The following ARSG variants were observed in gnomAD, a reference collection of about 807,000 sequenced individuals.
The protein encoded by ARSG is ASG.
A neutral mutation model predicts 50.5 loss-of-function variants in ARSG; 37 were observed. The ratio of observed to expected loss-of-function variants is 0.73; its 90% CI spans 0.56 to 0.96. The LOEUF (loss-of-function observed/expected upper bound fraction) is 0.96. Among genes scored for constraint, ARSG ranks in the 50% least tolerant of loss-of-function variants. The pLI, the probability that ARSG is intolerant of heterozygous loss-of-function variation, is 0.00. For synonymous variants in ARSG, 225 were observed against 254.6 expected, an observed-to-expected ratio of 0.88 and a Z score of 1.11; for missense variants, 629 against 675.3, an observed-to-expected ratio of 0.93 and a Z score of 0.76.
At chr17:68,291,941 C>T (rs1335940291) in intron 1 of ARSG, among the ~76,000 whole-genome samples, 8 of 151,934 alleles carry the variant, frequency 5.3e-5, no homozygotes, top group African/African-American at 1.5e-4. Context: ...GCGCCCGCCC[C>T]GGGCAGAACA....
intron 1 of ARSG, among the ~76,000 whole-genome samples, chr17:68,303,092 G>T (rs1418432958): frequency 6.6e-6 from 1 of 152,168 alleles, no homozygotes; most frequent in Non-Finnish European, 1.5e-5. Flanking sequence ...GGGGCTAGAT[G>T]CAATCAAATG....
chr17:68,292,202 G>A (rs1377537687), intron 1 of ARSG, among the ~76,000 whole-genome samples: 2 of 152,028 alleles, frequency 1.3e-5, no homozygotes, highest in Non-Finnish European at 2.9e-5. Context: ...TGAGCAGCCG[G>A]GCTGAGTCAG....
In ARSG at chr17:68,307,447, T is replaced by C. The variant is rs1030681745; in HGVS notation, c.-47T>C. On this transcript the variant is annotated 5_prime_UTR_variant, in exon 2 of 12. Coordinates refer to ENST00000621439, the MANE Select transcript of ARSG (RefSeq NM_001267727.2). ...AGGAAGCTCTCAGAAAAATCTCTAG[T>C]GGTGGCTGCCGTCGCTCCAGACAAT... The C allele has an allele frequency of 1.4e-6, 2 of 1,474,618 alleles. No individual in the cohort carries two copies. The highest frequency in any genetic ancestry group is 1.9e-6 in the Non-Finnish European group (2 of 1,063,110). The allele number at this position is 1,474,618 out of a possible 1,614,324, so 91.3% of individuals were successfully genotyped here. A position where few individuals can be genotyped will look rare whatever the true frequency, so the allele number is the denominator to read the frequency against.
intron 11 of ARSG, among the ~76,000 whole-genome samples, chr17:68,416,787 TACTAGAAGTATGTCC>T (rs764112349): frequency 9.3e-4 from 116 of 124,588 alleles, no homozygotes; most frequent in Non-Finnish European, 1.7e-3. Flanking sequence ...CATTTTGCAT[TACTAGAAGTATGTCC>T]AATGTTTCCT....
At chr17:68,430,292 GC>G in the ARSG span, 1 of 856,138 alleles carries the variant, frequency 1.2e-6, no homozygotes, top group Non-Finnish European at 1.8e-6. Context: ...ATAATGTTCT[GC>G]CCACTGAGAA....
intron 3 of ARSG, among the ~76,000 whole-genome samples, chr17:68,345,698 G>A (rs573696870): frequency 7.9e-5 from 12 of 152,218 alleles, no homozygotes; most frequent in Non-Finnish European, 1.6e-4. Context: ...CTAGCTGTGC[G>A]AATACCACTG....
At chr17:68,348,841 C>T (rs1269304644) in intron 4 of ARSG, among the ~76,000 whole-genome samples, 4 of 152,176 alleles carry the variant, frequency 2.6e-5, no homozygotes, top group South Asian at 4.1e-4. Flanking sequence ...TAAGCACCCA[C>T]GCTCCTCTTG....
At chr17:68,259,574 A>G (rs2075041488) in intron 1 of ARSG, 1 of 152,266 alleles carries the variant, frequency 6.6e-6, no homozygotes, top group South Asian at 2.1e-4. Flanking sequence ...TGATGTTTCT[A>G]GTAGTCGTAT....
chr17:68,405,525 A>C (rs936086060), intron 11 of ARSG, among the ~76,000 whole-genome samples: 2 of 152,204 alleles, frequency 1.3e-5, no homozygotes, highest in Non-Finnish European at 2.9e-5. Flanking sequence ...TTGTGTTCTG[A>C]ATTTCAATCC....
chr17:68,320,547 C>G (rs1016124752), intron 2 of ARSG, among the ~76,000 whole-genome samples: 2 of 152,164 alleles, frequency 1.3e-5, no homozygotes. Context: ...AGCCCTCACT[C>G]TCCGGGGGGT....
At chr17:68,390,080 C>T (rs199519521) in intron 9 of ARSG, among the ~76,000 whole-genome samples, 1 of 152,000 alleles carries the variant, frequency 6.6e-6, no homozygotes, top group Non-Finnish European at 1.5e-5. Context: ...CTCTGCTTCC[C>T]GGGTTCAAGT....
At chr17:68,286,886 T>C (rs1339858994), upstream of ARSG, among the ~76,000 whole-genome samples, 7 of 152,340 alleles carry the variant, frequency 4.6e-5, no homozygotes, top group South Asian at 1.2e-3. Context: ...TCGGAGAAAG[T>C]GTAAATGCTA....
At position 68,343,801 on chromosome 17, in the gene ARSG, G is replaced by A. The variant is rs375666027; in HGVS notation, c.406+10G>A. ...GTCACTGGGATAATAGGTAACTCTG[G>A]GCCCCGTCTGCCTGTTGCATTTACT... On this transcript the variant is annotated intron_variant, in intron 3 of 11. Transcript: ENST00000621439. 2 of 1,599,344 alleles carry A rather than the reference G, an allele frequency of 1.3e-6. No individual in the cohort carries two copies. The highest frequency in any genetic ancestry group is 1.3e-5 in the African/African-American group (1 of 74,662).
intron 1 of ARSG, among the ~76,000 whole-genome samples, chr17:68,275,921 T>G (rs2075501209): frequency 6.6e-6 from 1 of 150,410 alleles, no homozygotes; most frequent in Non-Finnish European, 1.5e-5. Flanking sequence ...AGGCGGAGGT[T>G]GCAGTGAGCT....
rs909206084 is a variant in ARSG at position 68,335,427 on chromosome 17, G to A, written c.219-8177G>A. On this transcript the variant is annotated intron_variant, in intron 2 of 11. Transcript: ENST00000621439. ...AAATTAGCCGGGCGTAGTGGCGGGC[G>A]CCTGTAGTCCCAGCTACTCGGGAGG... is the stretch of plus-strand genomic sequence containing the variant. Among the ~76,000 whole-genome samples the A allele has an allele frequency of 2.0e-5, 3 of 151,388 alleles. No homozygotes were observed. The East Asian group carries it at 5.8e-4, about 29-fold the overall frequency.
At chr17:68,366,245 T>A (rs199982735) in intron 6 of ARSG, among the ~76,000 whole-genome samples, 4,579 of 43,078 alleles carry the variant, frequency 0.11, 99 homozygotes, top group South Asian at 0.19. Flanking sequence ...GGCAAAAAAA[T>A]AAAATAAAAT....
intron 2 of ARSG, among the ~76,000 whole-genome samples, chr17:68,331,463 C>G (rs2077766323): frequency 1.3e-5 from 2 of 152,102 alleles, no homozygotes; most frequent in Non-Finnish European, 2.9e-5. Context: ...CCAGGATGGT[C>G]TTGATCTCCT....
chr17:68,425,974 G>A (rs1462181045), downstream of ARSG: 12 of 882,108 alleles, frequency 1.4e-5, no homozygotes, highest in East Asian at 2.2e-4. Context: ...AGTTGTTATA[G>A]ATTAGAAAAC....
At chr17:68,385,930 C>T (rs895917059) in intron 9 of ARSG, among the ~76,000 whole-genome samples, 4 of 152,150 alleles carry the variant, frequency 2.6e-5, no homozygotes, top group African/African-American at 9.7e-5. Context: ...GTGGCCCCTC[C>T]AGGCCATTAG....
Sources: allele counts gnomAD v4.1 joint callset (sites outside exome capture counted in the v4.1 genomes callset), GRCh38; gene constraint gnomAD v4.1.1; transcripts MANE v1.5; gene names NCBI Gene and HGNC (gene_info 2026-07-23, HGNC 2026-07-21).